Variants in PDE10A observed in about 807,000 individuals in gnomAD.
PDE10A encodes phosphodiesterase 10A.
In PDE10A, 39 loss-of-function variants were observed where a neutral mutation model predicts 97.7. The ratio of observed to expected loss-of-function variants is 0.40; its 90% CI spans 0.31 to 0.52. PDE10A has a LOEUF of 0.52. Among genes scored for constraint, PDE10A ranks in the 20% least tolerant of loss-of-function variants. The pLI is 0.56. For missense variants in PDE10A, 731 were observed against 1,047.8 expected (o/e 0.70, Z 4.17); for synonymous variants, 371 against 376.8 (o/e 0.98, Z 0.18).
intron 1 of PDE10A, among the ~76,000 whole-genome samples, chr6:165,870,103 A>G (rs1287202407): frequency 6.6e-6 from 1 of 152,190 alleles, no homozygotes; most frequent in Non-Finnish European, 1.5e-5. Context: ...AAACAGGACT[A>G]TATAAAACTA....
At chr6:165,420,675 T>A (rs978211367) in intron 10 of PDE10A, among the ~76,000 whole-genome samples, 3 of 152,186 alleles carry the variant, frequency 2.0e-5, no homozygotes, top group African/African-American at 7.2e-5. Flanking sequence ...TGGACAATGT[T>A]TCAGAAAATA....
In PDE10A at chr6:165,982,040, G is replaced by C. The variant is rs114284414; in HGVS notation, c.-615+5489C>G. 9.0e-3 allele frequency among the ~76,000 whole-genome samples: 1,368 copies of C among 152,234 alleles called. 21 individuals are homozygous for C. Among genetic ancestry groups the C allele is most frequent in the African/African-American group, 0.031 (1,279 of 41,514 alleles). On this transcript the variant is annotated intron_variant, in intron 1 of 19. Transcript: ENST00000366882. ...ATACCCAGTTTCAGGCTCTCCCAAT[G>C]CTAACTACCCATTATTAATACAGGA...
intron 18 of PDE10A, among the ~76,000 whole-genome samples, chr6:165,374,029 A>T (rs1226720656): frequency 7.1e-6 from 1 of 141,274 alleles, no homozygotes; most frequent in Non-Finnish European, 1.5e-5. Flanking sequence ...GAATTGAACA[A>T]TGAGAACACA....
intron 18 of PDE10A, among the ~76,000 whole-genome samples, chr6:165,352,003 G>T (rs529694532): frequency 8.5e-4 from 130 of 152,070 alleles, no homozygotes; most frequent in African/African-American, 2.8e-3. Context: ...ATAGGTGCCT[G>T]CCACCACTCC....
In PDE10A at chr6:165,515,489, TACACAC is replaced by T. The variant is rs60583870; in HGVS notation, c.994+27945_994+27950del. 9.7e-4 allele frequency among the ~76,000 whole-genome samples: 144 copies of T among 148,124 alleles called. 2 individuals are homozygous for T. Among genetic ancestry groups the T allele is most frequent in the Middle Eastern group, 3.5e-3 (1 of 286 alleles). ...TTATCATAAAATAAAATTTATAGTA[TACACAC>T]ACACACACACATATATATGCTTTTG... is the stretch of plus-strand genomic sequence containing the variant. On this transcript the variant is annotated intron_variant, in intron 2 of 21. Transcript: ENST00000539869.
intron 1 of PDE10A, among the ~76,000 whole-genome samples, chr6:165,979,662 A>G (rs2128503478): frequency 6.6e-6 from 1 of 152,332 alleles, no homozygotes; most frequent in African/African-American, 2.4e-5. Flanking sequence ...ACAAAACGGT[A>G]CAAGGCAGGG....
At chr6:165,942,881 T>C (rs1583318440) in intron 1 of PDE10A, among the ~76,000 whole-genome samples, 1 of 152,206 alleles carries the variant, frequency 6.6e-6, no homozygotes, top group Non-Finnish European at 1.5e-5. Flanking sequence ...TTTGTTCCAC[T>C]GTGATTGGTA....
At chr6:165,449,086 A>G in intron 4 of PDE10A, 109 bp from the exon 5 acceptor site, 1 of 777,252 alleles carries the variant, frequency 1.3e-6, no homozygotes, top group South Asian at 1.5e-5. Context: ...TGATTTGTTA[A>G]CAGAATCAAT....
chr6:165,504,849 A>C (rs1324791939), intron 2 of PDE10A, among the ~76,000 whole-genome samples: 1 of 152,178 alleles, frequency 6.6e-6, no homozygotes, highest in Non-Finnish European at 1.5e-5. Flanking sequence ...TAGGCTGGAA[A>C]GCTAAAAACT....
At chr6:165,686,491 C>T (rs1582927818) in intron 1 of PDE10A, among the ~76,000 whole-genome samples, 1 of 152,086 alleles carries the variant, frequency 6.6e-6, no homozygotes, top group African/African-American at 2.4e-5. Flanking sequence ...GGCCGCACTC[C>T]CAGAGACTAG....
intron 10 of PDE10A, among the ~76,000 whole-genome samples, chr6:165,425,685 G>C (rs1259556353): frequency 2.0e-5 from 3 of 151,994 alleles, no homozygotes; most frequent in East Asian, 1.9e-4. Context: ...GTTCTAGCCA[G>C]GGTAATCATG....
chr6:165,433,744 A>G (rs1009074784), intron 6 of PDE10A, among the ~76,000 whole-genome samples: 1 of 152,090 alleles, frequency 6.6e-6, no homozygotes, highest in Non-Finnish European at 1.5e-5. Context: ...GGCCGGGCGC[A>G]GTGGCTCAAG....
intron 1 of PDE10A, among the ~76,000 whole-genome samples, chr6:165,604,366 C>T (rs1257257814): frequency 6.6e-6 from 1 of 152,024 alleles, no homozygotes; most frequent in Non-Finnish European, 1.5e-5. Context: ...TTTTGATACC[C>T]CACAAATACT....
chr6:165,807,650 A>G (rs1779174956), intron 1 of PDE10A, among the ~76,000 whole-genome samples: 1 of 152,152 alleles, frequency 6.6e-6, no homozygotes, highest in African/African-American at 2.4e-5. Context: ...CTAGAGCTTT[A>G]GAAACATTTG....
At chr6:165,507,470 C>T (rs1781263168) in intron 2 of PDE10A, among the ~76,000 whole-genome samples, 1 of 152,070 alleles carries the variant, frequency 6.6e-6, no homozygotes, top group Non-Finnish European at 1.5e-5. Flanking sequence ...GAGACTCCTA[C>T]TATCATGATC....
chr6:165,425,638 C>T (rs1789072467), intron 10 of PDE10A, among the ~76,000 whole-genome samples: 1 of 152,140 alleles, frequency 6.6e-6, no homozygotes, highest in Middle Eastern at 3.4e-3. Flanking sequence ...ACAAGAAAGT[C>T]CACACTTTGC....
At chr6:165,875,746 T>TTTGTG (rs780504850) in intron 1 of PDE10A, among the ~76,000 whole-genome samples, 12 of 147,016 alleles carry the variant, frequency 8.2e-5, no homozygotes, top group African/African-American at 3.2e-4. Flanking sequence ...TTTTTTTTTT[T>TTTGTG]TGTGTGTGTG....
At chr6:165,414,241 C>G (rs920599434) in intron 12 of PDE10A, among the ~76,000 whole-genome samples, 1 of 152,172 alleles carries the variant, frequency 6.6e-6, no homozygotes, top group Admixed American at 6.5e-5. Context: ...TGCCATCACC[C>G]CACAAGGCTG....
At chr6:165,951,870 G>A (rs1783974161) in intron 1 of PDE10A, among the ~76,000 whole-genome samples, 1 of 152,166 alleles carries the variant, frequency 6.6e-6, no homozygotes, top group Non-Finnish European at 1.5e-5. Flanking sequence ...GCCCTACAAA[G>A]GGCCCAGCCC....
Sources: gnomAD v4.1 joint callset for allele counts (sites outside exome capture counted in the v4.1 genomes callset) on GRCh38, gnomAD v4.1.1 for gene constraint, MANE v1.5 for transcripts, NCBI Gene and HGNC (gene_info 2026-07-23, HGNC 2026-07-21) for gene names.